The following FNDC3A variants were observed in gnomAD, a reference collection of about 807,000 sequenced individuals.
The protein encoded by FNDC3A is fibronectin type III domain containing 3A, also known as fibronectin type-III domain-containing protein 3A.
Under a neutral mutation model 148.9 loss-of-function variants are expected in FNDC3A, and 32 were observed. That is an observed-to-expected ratio of 0.21 (90% CI 0.16 to 0.29). The LOEUF is 0.29. Ranked by LOEUF, FNDC3A falls within the 10% of genes least tolerant of loss-of-function variation. The pLI is 1.00. For synonymous variants in FNDC3A, 472 were observed against 473.6 expected (o/e 1.00, Z 0.04); for missense variants, 1,191 against 1,452.8 (o/e 0.82, Z 2.93).
chr13:49,160,461 G>T (rs549905857), intron 8 of FNDC3A, among the ~76,000 whole-genome samples: 1 of 152,128 alleles, frequency 6.6e-6, no homozygotes, highest in Non-Finnish European at 1.5e-5. Flanking sequence ...GATTGGTGGC[G>T]ATATCCCCTT....
chr13:49,145,722 C>T, intron 7 of FNDC3A, 56 bp from the exon 8 acceptor site: 2 of 1,371,288 alleles, frequency 1.5e-6, no homozygotes, highest in Non-Finnish European at 2.1e-6. Flanking sequence ...TATTTCACTG[C>T]TCATTGTATA....
intron 2 of FNDC3A, among the ~76,000 whole-genome samples, chr13:49,058,938 A>G (rs566845653): frequency 6.6e-6 from 1 of 152,328 alleles, no homozygotes; most frequent in Admixed American, 6.5e-5. Context: ...TCTTTCAAAA[A>G]TGAAATTTGT....
intron 1 of FNDC3A, 103 bp downstream of exon 1, chr13:48,976,280 T>TGAGGGC (rs1951596463): frequency 6.6e-6 from 1 of 152,338 alleles, no homozygotes; most frequent in Non-Finnish European, 1.5e-5. Flanking sequence ...AGGCTGGGAC[T>TGAGGGC]GAGGGCCGGG....
chr13:49,196,771 C>T, intron 19 of FNDC3A, 106 bp from the exon 20 acceptor site: 1 of 520,206 alleles, frequency 1.9e-6, no homozygotes, highest in Non-Finnish European at 3.4e-6. Context: ...AATCTTGAAA[C>T]ACAGGGAAAA....
chr13:49,093,496 C>A (rs1018765103), intron 3 of FNDC3A, among the ~76,000 whole-genome samples: 2 of 152,114 alleles, frequency 1.3e-5, no homozygotes, highest in East Asian at 3.9e-4. Flanking sequence ...TCCCAGCAAC[C>A]CTTTCAGCTA....
At chr13:48,984,942 A>G (rs1951761061) in intron 1 of FNDC3A, among the ~76,000 whole-genome samples, 1 of 152,176 alleles carries the variant, frequency 6.6e-6, no homozygotes, top group South Asian at 2.1e-4. Flanking sequence ...TCAGCCTCCC[A>G]GAGTGCTGTG....
At chr13:49,024,430 A>T (rs1395471687) in intron 2 of FNDC3A, among the ~76,000 whole-genome samples, 2 of 152,026 alleles carry the variant, frequency 1.3e-5, no homozygotes, top group Non-Finnish European at 2.9e-5. Context: ...AGAAAAAGAA[A>T]GCTAAAGACC....
In FNDC3A at chr13:49,076,917, T is replaced by G. The variant is rs144462345; in HGVS notation, c.175+1553T>G. 3.5e-3 allele frequency among the ~76,000 whole-genome samples: 537 copies of G among 152,342 alleles called. 1 individual carries two copies. Among genetic ancestry groups the G allele is most frequent in the South Asian group, 0.023 (111 of 4,826 alleles). On this transcript the variant is annotated intron_variant, in intron 3 of 25. Coordinates refer to ENST00000492622, the MANE Select transcript of FNDC3A (RefSeq NM_001079673.2). ...GGGGACACATACCATTTCTTACATT[T>G]CTTTGTATCCCCTTCAATTCTTGGC...
intron 2 of FNDC3A, among the ~76,000 whole-genome samples, chr13:49,063,971 G>A (rs1020160709): frequency 3.9e-5 from 6 of 152,100 alleles, no homozygotes; most frequent in African/African-American, 1.4e-4. Flanking sequence ...TCATTTCCTT[G>A]GCATACAAAC....
In FNDC3A at chr13:49,183,701, A is replaced by G. The variant is rs372956203; in HGVS notation, c.1618-2263A>G. Among the ~76,000 whole-genome samples, 63 of 152,360 alleles carry G rather than the reference A, an allele frequency of 4.1e-4. 1 individual carries two copies. In the South Asian group the frequency reaches 0.013, roughly 32 times the overall value. On this transcript the variant is annotated intron_variant, in intron 14 of 25. Coordinates refer to ENST00000492622, the MANE Select transcript of FNDC3A (RefSeq NM_001079673.2). ...TTTGTAGTCTCATTTATAAAGGAGT[A>G]GAGTAAGAAAACATCCTGAAAATCC...
intron 1 of FNDC3A, among the ~76,000 whole-genome samples, chr13:49,005,725 A>G (rs1593460092): frequency 1.3e-5 from 2 of 151,994 alleles, no homozygotes; most frequent in Admixed American, 6.6e-5. Context: ...AGGGGGATTG[A>G]GTCTTCATAA....
chr13:48,986,394 T>TTTTG (rs1951798852), intron 1 of FNDC3A, among the ~76,000 whole-genome samples: 1 of 110,800 alleles, frequency 9.0e-6, no homozygotes, highest in African/African-American at 3.4e-5. Context: ...TGTTTTTTTT[T>TTTTG]TTTTTTTTTT....
At chr13:48,976,863 A>G (rs1038865212) in intron 1 of FNDC3A, 7 of 152,208 alleles carry the variant, frequency 4.6e-5, no homozygotes, top group African/African-American at 1.7e-4. Flanking sequence ...CCCGGTTTTA[A>G]CAACCTGGAT....
chr13:49,178,537 C>A lies in FNDC3A; in HGVS notation c.1531-31C>A, dbSNP rs779239639. 7.5e-7 allele frequency: 1 copy of A among 1,328,754 alleles called. No individual in the cohort carries two copies. The highest frequency in any genetic ancestry group is 1.1e-6 in the Non-Finnish European group (1 of 933,062). The allele number at this position is 1,328,754 out of a possible 1,614,324, so 82.3% of individuals were successfully genotyped here. A position where few individuals can be genotyped will look rare whatever the true frequency, so the allele number is the denominator to read the frequency against. ...TGCCCATATTTCTATTGTTAGACAT[C>A]GAATGAAGACTTTGTTTTTTCCTTT... On this transcript the variant is annotated intron_variant, in intron 13 of 25. Transcript: ENST00000492622.
At chr13:48,991,228 G>T (rs981245855) in intron 1 of FNDC3A, among the ~76,000 whole-genome samples, 2 of 152,176 alleles carry the variant, frequency 1.3e-5, no homozygotes, top group African/African-American at 4.8e-5. Context: ...TAAAAGGATG[G>T]AAAAAGATAT....
intron 2 of FNDC3A, among the ~76,000 whole-genome samples, chr13:49,039,293 AT>A (rs1033409747): frequency 2.0e-5 from 3 of 152,154 alleles, no homozygotes; most frequent in Non-Finnish European, 4.4e-5. Flanking sequence ...CTGTTAATTT[AT>A]TTTTTAAAAT....
intron 1 of FNDC3A, among the ~76,000 whole-genome samples, chr13:48,990,241 A>G (rs1027901608): frequency 2.0e-5 from 3 of 152,094 alleles, no homozygotes; most frequent in African/African-American, 7.2e-5. Flanking sequence ...TAAAGATTTC[A>G]AATATACAAA....
At chr13:49,133,940 ACTAATTGAT>A (rs1299955863) in intron 5 of FNDC3A, among the ~76,000 whole-genome samples, 1 of 152,162 alleles carries the variant, frequency 6.6e-6, no homozygotes, top group Non-Finnish European at 1.5e-5. Flanking sequence ...TAAAGTATGT[ACTAATTGAT>A]CTAATTGATT....
intron 14 of FNDC3A, among the ~76,000 whole-genome samples, chr13:49,184,541 C>G (rs919572156): frequency 6.6e-6 from 1 of 151,998 alleles, no homozygotes; most frequent in South Asian, 2.1e-4. Context: ...TAAGGTCAAC[C>G]GAGAGGAAGA....
Sources: allele counts gnomAD v4.1 joint callset (sites outside exome capture counted in the v4.1 genomes callset), GRCh38; gene constraint gnomAD v4.1.1; transcripts MANE v1.5; gene names NCBI Gene and HGNC (gene_info 2026-07-23, HGNC 2026-07-21).